EGFR: variants seen among roughly 807,000 people sequenced by gnomAD.
EGFR encodes the protein avian erythroblastic leukemia viral (v-erb-b) oncogene homolog.
Under a neutral mutation model 143.0 loss-of-function variants are expected in EGFR, and 58 were observed. The ratio of observed to expected loss-of-function variants is 0.41; its 90% CI spans 0.33 to 0.50. The LOEUF (loss-of-function observed/expected upper bound fraction) is 0.50, where lower values mean the gene tolerates loss of function less well. Ranked by LOEUF, EGFR falls within the 20% of genes least tolerant of loss-of-function variation. The pLI, the probability that EGFR is intolerant of heterozygous loss-of-function variation, is 0.39. For synonymous variants in EGFR, 613 were observed against 594.4 expected, an observed-to-expected ratio of 1.03 and a Z score of -0.45; for missense variants, 1,307 against 1,579.0, an observed-to-expected ratio of 0.83 and a Z score of 2.92.
intron 20 of EGFR, among the ~76,000 whole-genome samples, chr7:55,187,311 C>T (rs952739659): frequency 4.5e-5 from 3 of 67,122 alleles, no homozygotes; most frequent in Non-Finnish European, 1.1e-4. Context: ...GCTATCTCTA[C>T]ATAAACTCAT....
intron 1 of EGFR, among the ~76,000 whole-genome samples, chr7:55,078,152 G>A (rs1314426173): frequency 6.6e-6 from 1 of 152,168 alleles, no homozygotes; most frequent in East Asian, 1.9e-4. Flanking sequence ...CTGTCCTGGG[G>A]TATTTGGGTG....
rs549930986 is a variant in EGFR at position 55,211,258 on chromosome 7, C to T, written c.*5641C>T. 2 of 152,160 alleles carry T rather than the reference C, an allele frequency of 1.3e-5. No homozygotes were observed. Among genetic ancestry groups the T allele is most frequent in the Non-Finnish European group, 2.9e-5 (2 of 68,036 alleles). 9.4% of individuals were successfully genotyped at this position (152,160 alleles called of 1,614,324 possible). A position where few individuals can be genotyped will look rare whatever the true frequency, so the allele number is the denominator to read the frequency against. On this transcript the variant is annotated 3_prime_UTR_variant, in exon 28 of 28. Transcript: ENST00000275493. ...TTTAAAAAAAAAGGAATCCTATGACCTGATTTGGCCACAAAAATAATCTTG... is the reference window on the plus strand; with the variant it reads ...TTTAAAAAAAAAGGAATCCTATGACTTGATTTGGCCACAAAAATAATCTTG...
intron 1 of EGFR, among the ~76,000 whole-genome samples, chr7:55,037,488 A>T (rs368325876): frequency 1.3e-5 from 2 of 152,270 alleles, no homozygotes; most frequent in East Asian, 3.9e-4. Flanking sequence ...GCTTTGCAGC[A>T]CTCTTCACAG....
chr7:55,062,002 G>A (rs1789212861), intron 1 of EGFR, among the ~76,000 whole-genome samples: 1 of 152,172 alleles, frequency 6.6e-6, no homozygotes, highest in East Asian at 1.9e-4. Context: ...CAAGGCCATG[G>A]AACTCTACTG....
intron 23 of EGFR, among the ~76,000 whole-genome samples, chr7:55,199,682 C>T (rs1787764672): frequency 6.6e-6 from 1 of 152,220 alleles, no homozygotes; most frequent in African/African-American, 2.4e-5. Context: ...AGTAGCCATA[C>T]CTCCAAATTG....
chr7:55,198,236 A>G (rs1787700534), intron 22 of EGFR, among the ~76,000 whole-genome samples: 1 of 152,262 alleles, frequency 6.6e-6, no homozygotes, highest in South Asian at 2.1e-4. Context: ...TTTTTATCAA[A>G]TGGAACTTAA....
At chr7:55,194,123 G>A (rs188868062) in intron 22 of EGFR, among the ~76,000 whole-genome samples, 5 of 151,886 alleles carry the variant, frequency 3.3e-5, no homozygotes, top group Non-Finnish European at 7.4e-5. Flanking sequence ...CAAGCAGCCC[G>A]CCCCTCCCAC....
intron 25 of EGFR, 151 bp downstream of exon 25, chr7:55,201,506 T>G: frequency 7.8e-7 from 1 of 1,280,388 alleles, no homozygotes; most frequent in Non-Finnish European, 1.1e-6. Context: ...ATAAATTAAG[T>G]GTATTAATTA....
Position 55,154,127 on chromosome 7 carries a change from T to C in EGFR, c.864T>C (p.Gly288=). 1 of 1,614,088 alleles carries C rather than the reference T, an allele frequency of 6.2e-7. No homozygotes were observed. The change falls in exon 7 of 28, where the codon GGT becomes GGC. Residue 288 remains glycine, a synonymous_variant. Transcript: ENST00000275493. ...DVNPEGKYSF[G]ATCVKKCPRN... ...ACCCCGAGGGCAAATACAGCTTTGG[T>C]GCCACCTGCGTGAAGAAGTGTCCCC...
intron 15 of EGFR, among the ~76,000 whole-genome samples, chr7:55,166,044 A>G (rs531738820): frequency 7.4e-4 from 112 of 152,138 alleles, no homozygotes; most frequent in South Asian, 3.5e-3. Context: ...CCAGCTACTC[A>G]GGAGGCTGAG....
intron 1 of EGFR, chr7:55,109,922 G>A (rs1380876681): frequency 1.5e-5 from 15 of 985,368 alleles, no homozygotes; most frequent in East Asian, 1.1e-4. Context: ...TCCGGCAGGC[G>A]ACCTCTCCGC....
Position 55,143,491 on chromosome 7 carries a change from G to A in EGFR, c.424+3G>A, listed in dbSNP as rs753033730. 2 of 1,614,208 alleles carry A rather than the reference G, an allele frequency of 1.2e-6. No homozygotes were observed. Among genetic ancestry groups the A allele is most frequent in the Admixed American group, 3.3e-5 (2 of 60,022 alleles). On this transcript the variant is annotated splice_donor_region_variant and intron_variant, in intron 3 of 27. Coordinates refer to ENST00000275493, the MANE Select transcript of EGFR (RefSeq NM_005228.5). ...GCTGCCCATGAGAAATTTACAGGGTGAGAGGCTGGGATGCCAAGGCTGGGG... is the reference window on the plus strand; with the variant it reads ...GCTGCCCATGAGAAATTTACAGGGTAAGAGGCTGGGATGCCAAGGCTGGGG...
chr7:55,096,277 T>C (rs1209085591), intron 1 of EGFR, among the ~76,000 whole-genome samples: 1 of 152,162 alleles, frequency 6.6e-6, no homozygotes. Flanking sequence ...CTGATACACA[T>C]ACCTCAGATT....
chr7:55,132,690 G>A (rs572129780), intron 1 of EGFR, among the ~76,000 whole-genome samples: 48 of 152,248 alleles, frequency 3.2e-4, no homozygotes, highest in African/African-American at 1.1e-3. Flanking sequence ...TGTTCCTTTA[G>A]CACACCTCTA....
chr7:55,162,430 T>C (rs1258935310), intron 13 of EGFR, among the ~76,000 whole-genome samples: 1 of 152,238 alleles, frequency 6.6e-6, no homozygotes, highest in East Asian at 1.9e-4. Flanking sequence ...GAGGACCAAG[T>C]TCAATTCTAT....
intron 1 of EGFR, among the ~76,000 whole-genome samples, chr7:55,105,747 C>A (rs1792089973): frequency 6.6e-6 from 1 of 152,142 alleles, no homozygotes; most frequent in South Asian, 2.1e-4. Flanking sequence ...TGAAAGAACT[C>A]TGATTTCATC....
At chr7:55,059,502 G>T (rs1310605580) in intron 1 of EGFR, among the ~76,000 whole-genome samples, 3 of 152,024 alleles carry the variant, frequency 2.0e-5, no homozygotes, top group African/African-American at 7.3e-5. Flanking sequence ...TGCGTTAGGG[G>T]TCATTCTTGG....
chr7:55,191,493 C>T (rs926582383), intron 20 of EGFR, among the ~76,000 whole-genome samples: 1 of 152,170 alleles, frequency 6.6e-6, no homozygotes, highest in Admixed American at 6.5e-5. Flanking sequence ...CACCTCTGGA[C>T]TTAAAACTTG....
intron 20 of EGFR, among the ~76,000 whole-genome samples, chr7:55,184,398 T>C (rs1787038314): frequency 6.6e-6 from 1 of 152,224 alleles, no homozygotes; most frequent in Admixed American, 6.5e-5. Context: ...GCTCATGACC[T>C]GCTCTCCAGC....
Sources: gnomAD v4.1 joint callset for allele counts (sites outside exome capture counted in the v4.1 genomes callset) on GRCh38, gnomAD v4.1.1 for gene constraint, MANE v1.5 for transcripts, NCBI Gene and HGNC (gene_info 2026-07-23, HGNC 2026-07-21) for gene names.